Variants in USP13 observed in about 807,000 individuals in gnomAD.
The protein encoded by USP13 is ubiquitin carboxyl-terminal hydrolase 13.
A neutral mutation model predicts 107.8 loss-of-function variants in USP13; 68 were observed. That is an observed-to-expected ratio of 0.63 (90% CI 0.52 to 0.77). USP13 has a LOEUF of 0.77. Among genes scored for constraint, USP13 ranks in the 30% least tolerant of loss-of-function variants. The pLI is 0.00. For missense variants in USP13, 945 were observed against 1,093.3 expected, an observed-to-expected ratio of 0.86 and a Z score of 1.91; for synonymous variants, 377 against 389.5, an observed-to-expected ratio of 0.97 and a Z score of 0.38.
At chr3:179,775,863 C>T (rs181651488) in intron 19 of USP13, among the ~76,000 whole-genome samples, 47 of 152,304 alleles carry the variant, frequency 3.1e-4, no homozygotes, top group African/African-American at 1.1e-3. Context: ...CCTCCACCTG[C>T]GCCTCTCCCT....
At chr3:179,739,292 C>G (rs532426389) in intron 10 of USP13, among the ~76,000 whole-genome samples, 4 of 152,212 alleles carry the variant, frequency 2.6e-5, no homozygotes, top group Non-Finnish European at 5.9e-5. Context: ...TGCCCTGCTG[C>G]CTGTTCTTCC....
intron 20 of USP13, among the ~76,000 whole-genome samples, chr3:179,783,318 AT>A (rs1490727450): frequency 5.3e-5 from 8 of 152,194 alleles, no homozygotes; most frequent in African/African-American, 1.9e-4. Context: ...GAAAGTATAT[AT>A]ATGTCTATAT....
At chr3:179,689,071 A>G (rs1711998672) in intron 2 of USP13, among the ~76,000 whole-genome samples, 1 of 152,348 alleles carries the variant, frequency 6.6e-6, no homozygotes, top group East Asian at 1.9e-4. Flanking sequence ...GTGAGAAAGC[A>G]GACTTAGGAC....
rs556926559 is a variant in USP13 at position 179,761,417 on chromosome 3, T to C, written c.2092+162T>C. On this transcript the variant is annotated intron_variant, in intron 17 of 20. Coordinates refer to ENST00000263966, the MANE Select transcript of USP13 (RefSeq NM_003940.3). ...GAAAGCCAGTCTTTTTCTTCTTCTT[T>C]TTTTTTTTAAAAACAGCAGCTTTAG... 1.4e-4 allele frequency among the ~76,000 whole-genome samples: 21 copies of C among 151,934 alleles called. 1 individual carries two copies. In the East Asian group the frequency reaches 3.1e-3, roughly 22 times the overall value.
chr3:179,765,939 G>T, intron 19 of USP13, 91 bp downstream of exon 19: 1 of 1,400,104 alleles, frequency 7.1e-7, no homozygotes, highest in South Asian at 1.5e-5. Context: ...TCAAGCCTTT[G>T]CCATCATTCA....
At chr3:179,752,059 G>T (rs1374185636) in intron 13 of USP13, among the ~76,000 whole-genome samples, 1 of 152,162 alleles carries the variant, frequency 6.6e-6, no homozygotes, top group Non-Finnish European at 1.5e-5. Context: ...ATTCTTAAAC[G>T]ATAACATTCT....
At chr3:179,753,181 C>G (rs1038583751) in intron 14 of USP13, among the ~76,000 whole-genome samples, 1 of 152,144 alleles carries the variant, frequency 6.6e-6, no homozygotes, top group Admixed American at 6.5e-5. Flanking sequence ...CTCAATCTTA[C>G]GCTGGTTAAC....
chr3:179,657,090 T>C (rs1720287860), intron 1 of USP13, among the ~76,000 whole-genome samples: 1 of 152,228 alleles, frequency 6.6e-6, no homozygotes, highest in Non-Finnish European at 1.5e-5. Context: ...GTGTAACTTC[T>C]CTGAGCCCCA....
intron 1 of USP13, among the ~76,000 whole-genome samples, chr3:179,672,094 C>G (rs1257172452): frequency 1.3e-5 from 2 of 152,138 alleles, no homozygotes; most frequent in East Asian, 1.9e-4. Context: ...GAACACCTAC[C>G]GATTGACAAA....
chr3:179,708,567 C>T (rs909552629), intron 5 of USP13, among the ~76,000 whole-genome samples: 4 of 152,104 alleles, frequency 2.6e-5, no homozygotes, highest in Non-Finnish European at 5.9e-5. Flanking sequence ...GTGCCCGCCT[C>T]GGCCTCCCAA....
intron 6 of USP13, among the ~76,000 whole-genome samples, chr3:179,711,161 T>C (rs1445913199): frequency 1.3e-5 from 2 of 152,258 alleles, no homozygotes; most frequent in Non-Finnish European, 2.9e-5. Context: ...TTTTGGACAT[T>C]TTTGTAGTAA....
rs777306952 is a variant in USP13 at position 179,785,473 on chromosome 3, A to G, written c.*1332A>G. The G allele has an allele frequency of 4.6e-5, 7 of 152,248 alleles. No homozygotes were observed. The highest frequency in any genetic ancestry group is 2.0e-4 in the Admixed American group (3 of 15,286). 9.4% of individuals were successfully genotyped at this position (152,248 alleles called of 1,614,324 possible). On this transcript the variant is annotated 3_prime_UTR_variant, in exon 21 of 21. Transcript: ENST00000263966. ...ATGAAAAGTGGAATGATAGCATTCTATAATTTCCATAATTTTCCTACTGGT... is the reference window on the plus strand; with the variant it reads ...ATGAAAAGTGGAATGATAGCATTCTGTAATTTCCATAATTTTCCTACTGGT...
intron 4 of USP13, among the ~76,000 whole-genome samples, chr3:179,701,330 C>CT (rs1468273032): frequency 6.6e-6 from 1 of 152,160 alleles, no homozygotes; most frequent in African/African-American, 2.4e-5. Flanking sequence ...TTCAGTAGTG[C>CT]TGGGCCTTTT....
intron 3 of USP13, among the ~76,000 whole-genome samples, chr3:179,698,135 T>C (rs1304354676): frequency 6.6e-6 from 1 of 152,202 alleles, no homozygotes; most frequent in East Asian, 1.9e-4. Flanking sequence ...GTAAGACTCA[T>C]TTCCGGCTCT....
At chr3:179,748,046 A>G (rs1326954075) in intron 13 of USP13, among the ~76,000 whole-genome samples, 2 of 152,232 alleles carry the variant, frequency 1.3e-5, no homozygotes, top group African/African-American at 4.8e-5. Flanking sequence ...TAAAGCAACT[A>G]TCATTTATTG....
In USP13 at chr3:179,690,261, T is replaced by G; in HGVS notation, c.315T>G (p.Gly105=). The G allele has an allele frequency of 6.2e-7, 1 of 1,614,046 alleles. No individual in the cohort carries two copies. The highest frequency in any genetic ancestry group is 8.5e-7 in the Non-Finnish European group (1 of 1,179,980). ...HVREKVRGAS[G]GALPKRRNSK... Reference sequence around the variant, plus strand: ...TTCAGAAGGTAAGAGGGGCGTCTGGTGGAGCGTTACCAAAAAGGAGGAATT... The same window carrying G: ...TTCAGAAGGTAAGAGGGGCGTCTGGGGGAGCGTTACCAAAAAGGAGGAATT... Residue 105 remains glycine, a synonymous_variant, in exon 3 of 21, where the codon GGT becomes GGG. Transcript: ENST00000263966.
At chr3:179,781,369 G>A (rs907495429) in intron 19 of USP13, among the ~76,000 whole-genome samples, 3 of 151,970 alleles carry the variant, frequency 2.0e-5, no homozygotes, top group African/African-American at 7.3e-5. Context: ...CAAAGAAACA[G>A]GCTCAGAAAG....
chr3:179,735,346 A>G (rs1438128155), intron 10 of USP13, among the ~76,000 whole-genome samples: 2 of 151,764 alleles, frequency 1.3e-5, no homozygotes, highest in Non-Finnish European at 2.9e-5. Flanking sequence ...TGCTTTCTGT[A>G]ATCTAATTCT....
At chr3:179,686,694 C>T (rs902469166) in intron 2 of USP13, among the ~76,000 whole-genome samples, 10 of 152,252 alleles carry the variant, frequency 6.6e-5, no homozygotes, top group Non-Finnish European at 1.3e-4. Context: ...GTCTGTACTA[C>T]ATCTGCCACT....
Sources: allele counts gnomAD v4.1 joint callset (sites outside exome capture counted in the v4.1 genomes callset), GRCh38; gene constraint gnomAD v4.1.1; transcripts MANE v1.5; gene names NCBI Gene and HGNC (gene_info 2026-07-23, HGNC 2026-07-21).